CNTN6: variants seen among roughly 807,000 people sequenced by gnomAD.
CNTN6 encodes contactin 6.
In CNTN6, 137 loss-of-function variants were observed where a neutral mutation model predicts 122.8. That is an observed-to-expected ratio of 1.12 (90% confidence interval 0.97 to 1.29). The LOEUF (loss-of-function observed/expected upper bound fraction) is 1.29. CNTN6 is among the 50% of genes most tolerant of loss of function. The pLI is 0.00. For synonymous variants in CNTN6, 570 were observed against 426.0 expected, an observed-to-expected ratio of 1.34 and a Z score of -4.16; for missense variants, 1,634 against 1,223.4, an observed-to-expected ratio of 1.34 and a Z score of -5.01.
chr3:1,226,848 C>T (rs2094290561), intron 3 of CNTN6, among the ~76,000 whole-genome samples: 1 of 152,152 alleles, frequency 6.6e-6, no homozygotes, highest in South Asian at 2.1e-4. Context: ...TATTTTTCTA[C>T]ATGCACAACT....
intron 1 of CNTN6, among the ~76,000 whole-genome samples, chr3:1,108,679 A>G (rs2091341203): frequency 6.6e-6 from 1 of 152,054 alleles, no homozygotes; most frequent in African/African-American, 2.4e-5. Context: ...TCTTTGCCAG[A>G]TTTGATTTGT....
At position 1,227,985 on chromosome 3, in the gene CNTN6, A is replaced by C. The variant is rs774116672; in HGVS notation, c.350A>C (p.Gln117Pro). The C allele has an allele frequency of 1.3e-5, 21 of 1,613,038 alleles. No homozygotes were observed. The highest frequency in any genetic ancestry group is 1.8e-5 in the Non-Finnish European group (21 of 1,179,642). Residue 117 changes from glutamine to proline, a missense_variant, in exon 4 of 23, where the codon CAA becomes CCA. By Grantham distance (76) the Gln-to-Pro change is moderately conservative (BLOSUM62 -1). Coordinates refer to ENST00000446702, the MANE Select transcript of CNTN6 (RefSeq NM_001289080.2). ...ATTCTGAGTCGGAAGGCAAAGCTCC[A>C]ATTTGCATGTGAGTTTGGGGTAAAT... ...GTILSRKAKLQFAYIEDFETK... is the reference protein window; with the variant it reads ...GTILSRKAKLPFAYIEDFETK...
chr3:1,204,589 AT>A (rs1352923343), intron 2 of CNTN6, among the ~76,000 whole-genome samples: 1 of 152,180 alleles, frequency 6.6e-6, no homozygotes. Flanking sequence ...TGACTTCTTT[AT>A]AGAGCAACCT....
At chr3:1,327,652 TC>T in intron 10 of CNTN6, 66 bp downstream of exon 10, 1 of 1,501,088 alleles carries the variant, frequency 6.7e-7, no homozygotes. Flanking sequence ...TTATGCATAA[TC>T]CCAACCCAAT....
intron 2 of CNTN6, among the ~76,000 whole-genome samples, chr3:1,173,950 A>G (rs910382000): frequency 6.6e-6 from 1 of 152,066 alleles, no homozygotes; most frequent in Non-Finnish European, 1.5e-5. Context: ...TCTCCAATAC[A>G]CTGTGATTTT....
At chr3:1,099,503 C>T (rs956301776) in intron 1 of CNTN6, among the ~76,000 whole-genome samples, 6 of 152,070 alleles carry the variant, frequency 3.9e-5, no homozygotes, top group South Asian at 2.1e-4. Flanking sequence ...GGATATATTT[C>T]ACCTTATGTG....
chr3:1,097,477 G>A (rs1257965241), intron 1 of CNTN6, among the ~76,000 whole-genome samples: 2 of 152,124 alleles, frequency 1.3e-5, no homozygotes, highest in East Asian at 1.9e-4. Context: ...TATAAAAAAC[G>A]AATGATCTTA....
chr3:1,227,991 C>T lies in CNTN6; in HGVS notation c.356C>T (p.Ala119Val), dbSNP rs759291818. 3.1e-6 allele frequency: 5 copies of T among 1,612,272 alleles called. No homozygotes were observed. The East Asian group carries it at 8.9e-5, about 29-fold the overall frequency. ...ILSRKAKLQFAYIEDFETKTR... is the reference protein window; with the variant it reads ...ILSRKAKLQFVYIEDFETKTR... Reference sequence around the variant, plus strand: ...AGTCGGAAGGCAAAGCTCCAATTTGCATGTGAGTTTGGGGTAAATTTTGTA... The same window carrying T: ...AGTCGGAAGGCAAAGCTCCAATTTGTATGTGAGTTTGGGGTAAATTTTGTA... The change falls in exon 4 of 23, where the codon GCA (alanine) becomes GTA (valine). Residue 119 changes from alanine (A) to valine (V), a missense_variant and splice_region_variant. Transcript: ENST00000446702.
rs1235400690 is a variant in CNTN6, at chr3:1,114,066, G to A, written c.-83+20946G>A. On this transcript the variant is annotated intron_variant, in intron 1 of 22. Coordinates refer to ENST00000446702, the MANE Select transcript of CNTN6 (RefSeq NM_001289080.2). Reference sequence around the variant, plus strand: ...AAGAGAAAGAGATGATTTCCAGCTCGGCAATCAGGGAAGTCTTTAAGAAGT... The same window carrying A: ...AAGAGAAAGAGATGATTTCCAGCTCAGCAATCAGGGAAGTCTTTAAGAAGT... 4.6e-5 allele frequency among the ~76,000 whole-genome samples: 7 copies of A among 152,102 alleles called. No individual in the cohort carries two copies. The East Asian group carries it at 5.8e-4, about 13-fold the overall frequency.
At chr3:1,101,433 G>A (rs775534816) in intron 1 of CNTN6, among the ~76,000 whole-genome samples, 2 of 152,166 alleles carry the variant, frequency 1.3e-5, no homozygotes, top group African/African-American at 4.8e-5. Context: ...TAGTGGAAAA[G>A]AAATCCCTCT....
chr3:1,319,687 A>T (rs1012808221), intron 7 of CNTN6, among the ~76,000 whole-genome samples: 1 of 151,576 alleles, frequency 6.6e-6, no homozygotes, highest in Non-Finnish European at 1.5e-5. Context: ...ATTTGCTGTC[A>T]TAAAAAGATA....
chr3:1,205,189 C>T (rs760726503), intron 2 of CNTN6, among the ~76,000 whole-genome samples: 5 of 152,018 alleles, frequency 3.3e-5, no homozygotes, highest in African/African-American at 4.8e-5. Context: ...TCGTATAAGG[C>T]AAGGAAACAG....
intron 6 of CNTN6, 139 bp from the exon 7 acceptor site, chr3:1,297,750 A>G (rs1696515665): frequency 3.0e-6 from 2 of 663,570 alleles, no homozygotes; most frequent in South Asian, 3.9e-5. Context: ...GCATTTTAGA[A>G]TCTATATGTA....
intron 4 of CNTN6, among the ~76,000 whole-genome samples, chr3:1,268,585 C>G (rs113126875): frequency 7.6e-6 from 1 of 131,458 alleles, no homozygotes; most frequent in Admixed American, 7.9e-5. Flanking sequence ...CCAGCCTGGG[C>G]GACAGAGCGA....
At chr3:1,153,727 G>T (rs1415186502) in intron 2 of CNTN6, among the ~76,000 whole-genome samples, 2 of 152,148 alleles carry the variant, frequency 1.3e-5, no homozygotes, top group Non-Finnish European at 2.9e-5. Context: ...TTGAGAGGCA[G>T]AGCAAACGAA....
In CNTN6 at chr3:1,158,515, T is replaced by A. The variant is rs192001572; in HGVS notation, c.55+10452T>A. The stretch of plus-strand genomic sequence containing the variant: ...TCACTTCATTGATTGTTTCCTTTTC[T>A]ATATAGAAGCTTTTAAACTTGATAT... On this transcript the variant is annotated intron_variant, in intron 2 of 22. Coordinates refer to ENST00000446702, the MANE Select transcript of CNTN6 (RefSeq NM_001289080.2). Among the ~76,000 whole-genome samples, 156 of 152,156 alleles carry A rather than the reference T, an allele frequency of 1.0e-3. 1 individual carries two copies. Among genetic ancestry groups the A allele is most frequent in the African/African-American group, 3.5e-3 (146 of 41,542 alleles).
intron 1 of CNTN6, among the ~76,000 whole-genome samples, chr3:1,130,562 G>A (rs761782593): frequency 1.2e-4 from 18 of 152,124 alleles, no homozygotes; most frequent in Non-Finnish European, 2.2e-4. Context: ...CAGAGGAACT[G>A]AGATCCAGTT....
At chr3:1,281,066 G>A (rs145185026) in intron 5 of CNTN6, among the ~76,000 whole-genome samples, 8 of 152,276 alleles carry the variant, frequency 5.3e-5, no homozygotes, top group Non-Finnish European at 7.3e-5. Context: ...GCTGAAGTCA[G>A]TTTCTTTAAA....
At chr3:1,297,109 A>T (rs1696369736) in intron 6 of CNTN6, among the ~76,000 whole-genome samples, 1 of 152,142 alleles carries the variant, frequency 6.6e-6, no homozygotes, top group African/African-American at 2.4e-5. Flanking sequence ...ACCTCTTTGA[A>T]TGTTTATAAT....
Sources: gnomAD v4.1 joint callset for allele counts (sites outside exome capture counted in the v4.1 genomes callset) on GRCh38, gnomAD v4.1.1 for gene constraint, MANE v1.5 for transcripts, NCBI Gene and HGNC (gene_info 2026-07-23, HGNC 2026-07-21) for gene names.